The following CACNB2 variants were observed in gnomAD, a reference collection of about 807,000 sequenced individuals.
The protein encoded by CACNB2 is voltage-dependent L-type calcium channel subunit beta-2.
A neutral mutation model predicts 73.3 loss-of-function variants in CACNB2; 42 were observed. The observed-to-expected ratio is 0.57, with a 90% CI of 0.45 to 0.74. The LOEUF is 0.74. Ranked by LOEUF, CACNB2 falls within the 30% of genes least tolerant of loss-of-function variation. The pLI, the probability that CACNB2 is intolerant of heterozygous loss-of-function variation, is 0.00. For synonymous variants in CACNB2, 348 were observed against 310.3 expected, an observed-to-expected ratio of 1.12 and a Z score of -1.28; for missense variants, 940 against 853.0, an observed-to-expected ratio of 1.10 and a Z score of -1.27.
At chr10:18,533,055 C>CTAGT (rs2053221976) in intron 10 of CACNB2, 1 of 151,944 alleles carries the variant, frequency 6.6e-6, no homozygotes, top group Non-Finnish European at 1.5e-5. Flanking sequence ...CAATAAGGTA[C>CTAGT]TAGTTAAAAT....
At chr10:18,175,652 C>T (rs564200829) in intron 2 of CACNB2, among the ~76,000 whole-genome samples, 1 of 152,326 alleles carries the variant, frequency 6.6e-6, no homozygotes, top group East Asian at 1.9e-4. Context: ...GGCTGGAGAG[C>T]AATGGTGCAA....
At chr10:18,240,425 T>C (rs2036603578) in intron 2 of CACNB2, among the ~76,000 whole-genome samples, 2 of 152,148 alleles carry the variant, frequency 1.3e-5, no homozygotes. Context: ...CTGGCTCAAC[T>C]GTACAGTTTT....
At chr10:18,434,107 T>C (rs1332100099) in intron 3 of CACNB2, among the ~76,000 whole-genome samples, 1 of 152,208 alleles carries the variant, frequency 6.6e-6, no homozygotes, top group African/African-American at 2.4e-5. Context: ...TTGGGAATTT[T>C]GGCCATGAAC....
At chr10:18,233,952 A>G (rs374872720) in intron 2 of CACNB2, among the ~76,000 whole-genome samples, 5 of 152,212 alleles carry the variant, frequency 3.3e-5, no homozygotes, top group Admixed American at 2.0e-4. Flanking sequence ...TGCTCAGAGC[A>G]TAGGCGTCCC....
At chr10:18,508,325 G>A (rs1379016531) in intron 6 of CACNB2, among the ~76,000 whole-genome samples, 4 of 152,130 alleles carry the variant, frequency 2.6e-5, no homozygotes, top group Admixed American at 2.0e-4. Context: ...GGCCCTGTAG[G>A]TATTATGTGA....
At chr10:18,340,940 G>A (rs1267129849) in intron 2 of CACNB2, 4 of 1,614,142 alleles carry the variant, frequency 2.5e-6, no homozygotes, top group South Asian at 2.2e-5. Flanking sequence ...CTTGACAGAC[G>A]CCTTATAGCT....
chr10:18,420,422 C>T (rs567949029), intron 3 of CACNB2, among the ~76,000 whole-genome samples: 1 of 152,164 alleles, frequency 6.6e-6, no homozygotes, highest in South Asian at 2.1e-4. Context: ...ATGATCTGAT[C>T]TGCCAACTGT....
At chr10:18,401,069 A>G (rs374910593) in intron 2 of CACNB2, 1 of 1,614,088 alleles carries the variant, frequency 6.2e-7, no homozygotes, top group African/African-American at 1.3e-5. Flanking sequence ...AAAAGAGCCA[A>G]GGGAGGAAGG....
intron 2 of CACNB2, among the ~76,000 whole-genome samples, chr10:18,245,448 G>A (rs1476262702): frequency 2.0e-5 from 3 of 152,064 alleles, no homozygotes; most frequent in African/African-American, 7.2e-5. Context: ...AGGCTCTTGA[G>A]TGGCTGGGAC....
chr10:18,354,751 C>A (rs185505898), intron 2 of CACNB2, among the ~76,000 whole-genome samples: 1 of 152,226 alleles, frequency 6.6e-6, no homozygotes, highest in Admixed American at 6.5e-5. Flanking sequence ...TGGGCAGTAG[C>A]TTTTCCGGTT....
chr10:18,391,108 C>A (rs1367651042), intron 2 of CACNB2, among the ~76,000 whole-genome samples: 2 of 152,118 alleles, frequency 1.3e-5, no homozygotes, highest in South Asian at 4.1e-4. Context: ...TTTGGAGTGG[C>A]TTGCTTGTTA....
At chr10:18,165,398 C>A (rs2150694) in intron 2 of CACNB2, among the ~76,000 whole-genome samples, 24,809 of 152,164 alleles carry the variant, frequency 0.16, 2,074 homozygotes, top group Middle Eastern at 0.21. Context: ...GTCACTGCAC[C>A]TGTGCCCTCT....
chr10:18,362,770 T>C (rs1310969886), intron 2 of CACNB2, among the ~76,000 whole-genome samples: 1 of 152,024 alleles, frequency 6.6e-6, no homozygotes, highest in Non-Finnish European at 1.5e-5. Flanking sequence ...TGTACAAAAA[T>C]GGTGGCACAT....
chr10:18,288,676 T>TATACACACACACACACACACACACAC (rs1554785394), intron 2 of CACNB2, among the ~76,000 whole-genome samples: 68 of 144,422 alleles, frequency 4.7e-4, no homozygotes, highest in African/African-American at 1.7e-3. Flanking sequence ...ATGAGATTTA[T>TATACACACACACACACACACACACAC]ACACACACAC....
intron 2 of CACNB2, among the ~76,000 whole-genome samples, chr10:18,377,040 G>A (rs1198462534): frequency 6.6e-6 from 1 of 152,156 alleles, no homozygotes; most frequent in Non-Finnish European, 1.5e-5. Flanking sequence ...ATAAATACTT[G>A]AGGTAAGGGA....
At chr10:18,279,209 G>T (rs533736240) in intron 2 of CACNB2, among the ~76,000 whole-genome samples, 1 of 152,224 alleles carries the variant, frequency 6.6e-6, no homozygotes, top group African/African-American at 2.4e-5. Flanking sequence ...AAAACAAATG[G>T]TTCTTTTCTT....
intron 3 of CACNB2, among the ~76,000 whole-genome samples, chr10:18,473,742 T>A (rs530610815): frequency 6.6e-6 from 1 of 152,310 alleles, no homozygotes; most frequent in Non-Finnish European, 1.5e-5. Context: ...GACTTTACAG[T>A]TGTGTTTGCT....
chr10:18,234,478 A>T (rs1358521265), intron 2 of CACNB2, among the ~76,000 whole-genome samples: 2 of 152,188 alleles, frequency 1.3e-5, no homozygotes, highest in African/African-American at 4.8e-5. Flanking sequence ...AGCCAAAAAG[A>T]TGGAGGCAAC....
At chr10:18,475,255 TG>T (rs1202906321) in intron 3 of CACNB2, among the ~76,000 whole-genome samples, 1 of 151,974 alleles carries the variant, frequency 6.6e-6, no homozygotes, top group Non-Finnish European at 1.5e-5. Flanking sequence ...TAGGCACCAT[TG>T]ACTAAATCAC....
Sources: allele counts gnomAD v4.1 joint callset (sites outside exome capture counted in the v4.1 genomes callset), GRCh38; gene constraint gnomAD v4.1.1; transcripts MANE v1.5; gene names NCBI Gene and HGNC (gene_info 2026-07-23, HGNC 2026-07-21).